The following PRKAA2 variants were observed in gnomAD, a reference collection of about 807,000 sequenced individuals.
PRKAA2 encodes the protein 5'-AMP-activated protein kinase catalytic subunit alpha-2.
A neutral mutation model predicts 56.3 loss-of-function variants in PRKAA2; 40 were observed. The ratio of observed to expected loss-of-function variants is 0.71; its 90% CI spans 0.55 to 0.92. The LOEUF is 0.92. Ranked by LOEUF, PRKAA2 falls within the 40% of genes least tolerant of loss-of-function variation. The pLI is 0.00. For missense variants in PRKAA2, 542 were observed against 686.9 expected (o/e 0.79, Z 2.36); for synonymous variants, 214 against 234.2 (o/e 0.91, Z 0.79).
rs1233043858 is a variant in PRKAA2 at position 56,706,229 on chromosome 1, T to G, written c.1420+11T>G. The G allele has an allele frequency of 1.2e-6, 2 of 1,611,400 alleles. No individual in the cohort carries two copies. The highest frequency in any genetic ancestry group is 4.5e-5 in the East Asian group (2 of 44,858). On this transcript the variant is annotated intron_variant, in intron 8 of 8. Transcript: ENST00000371244. ...TTAAAAGCATTGATGGTAAGGAAGC[T>G]ATGCATGCATGAGCTCTGAGAAGAT...
chr1:56,692,638 G>A, intron 4 of PRKAA2, 136 bp downstream of exon 4: 1 of 771,794 alleles, frequency 1.3e-6, no homozygotes, highest in East Asian at 3.3e-5. Context: ...CTCCTCAGTA[G>A]CTTTTTTTTT....
In PRKAA2 at chr1:56,704,173, C is replaced by A. The variant is rs763667032; in HGVS notation, c.991C>A (p.Arg331=). 1.9e-6 allele frequency: 3 copies of A among 1,614,082 alleles called. No individual in the cohort carries two copies. The highest frequency in any genetic ancestry group is 2.2e-5 in the South Asian group (2 of 91,082). ...GGCTTATCATCTTATCATTGACAAT[C>A]GGAGAATAATGAACCAAGCCAGTGA... The part of the protein sequence containing the change: ...AVAYHLIIDN[R]RIMNQASEFY... The change falls in exon 7 of 9, where the codon CGG becomes AGG. Residue 331 remains arginine (R), a synonymous_variant. Coordinates refer to ENST00000371244, the MANE Select transcript of PRKAA2 (RefSeq NM_006252.4).
rs76211899 is a variant in PRKAA2 at position 56,665,077 on chromosome 1, C to CT, written c.95-9288dup. Among the ~76,000 whole-genome samples, 639 of 138,898 alleles carry CT rather than the reference C, an allele frequency of 4.6e-3. 4 individuals are homozygous for CT. Among genetic ancestry groups the CT allele is most frequent in the Middle Eastern group, 0.012 (3 of 260 alleles). The allele number at this position is 138,898 out of a possible 152,430, so 91.1% of individuals were successfully genotyped here. On this transcript the variant is annotated intron_variant, in intron 1 of 8. Transcript: ENST00000371244. ...GATATCCGCTCTAGCTAGTTCCTAT[C>CT]TTTTTTTTTTTTTTTTGAGACAGCG... is the stretch of plus-strand genomic sequence containing the variant.
chr1:56,692,526 G>T, intron 4 of PRKAA2, 24 bp downstream of exon 4: 1 of 1,609,184 alleles, frequency 6.2e-7, no homozygotes, highest in Non-Finnish European at 8.5e-7. Context: ...GGGTTGTTCA[G>T]AAAGGTACTA....
At chr1:56,661,112 ACCAC>A (rs1643990309) in intron 1 of PRKAA2, among the ~76,000 whole-genome samples, 2 of 152,166 alleles carry the variant, frequency 1.3e-5, no homozygotes, top group African/African-American at 4.8e-5. Flanking sequence ...AAGGTTGCTG[ACCAC>A]CCCATGAGGC....
intron 2 of PRKAA2, among the ~76,000 whole-genome samples, chr1:56,679,073 G>T (rs1644135207): frequency 6.6e-6 from 1 of 152,042 alleles, no homozygotes; most frequent in South Asian, 2.1e-4. Context: ...TTGAAATGTT[G>T]TCTCTAGGTT....
At chr1:56,665,020 G>T (rs767296533) in intron 1 of PRKAA2, among the ~76,000 whole-genome samples, 4 of 151,126 alleles carry the variant, frequency 2.6e-5, no homozygotes, top group Non-Finnish European at 5.9e-5. Flanking sequence ...TTATCTTTTA[G>T]GCCCCAGAAT....
chr1:56,669,506 C>T (rs1211020299), intron 1 of PRKAA2, among the ~76,000 whole-genome samples: 1 of 151,790 alleles, frequency 6.6e-6, no homozygotes, highest in Non-Finnish European at 1.5e-5. Context: ...TAAACCCAGC[C>T]CTGCCTACTG....
At chr1:56,645,848 C>T (rs1646636152) in intron 1 of PRKAA2, among the ~76,000 whole-genome samples, 1 of 152,182 alleles carries the variant, frequency 6.6e-6, no homozygotes, top group South Asian at 2.1e-4. Context: ...CGCCTTCCAG[C>T]TCTGAGCCTG....
At chr1:56,679,129 A>G (rs1644135542) in intron 2 of PRKAA2, among the ~76,000 whole-genome samples, 1 of 151,832 alleles carries the variant, frequency 6.6e-6, no homozygotes, top group Admixed American at 6.6e-5. Flanking sequence ...ATTCTTGTTT[A>G]TTCTGAAAAC....
chr1:56,657,376 G>A (rs910058795), intron 1 of PRKAA2, among the ~76,000 whole-genome samples: 2 of 152,144 alleles, frequency 1.3e-5, no homozygotes, highest in Non-Finnish European at 2.9e-5. Context: ...CAGCAAAAAT[G>A]TTCTTCAAAA....
intron 6 of PRKAA2, among the ~76,000 whole-genome samples, chr1:56,703,414 G>A (rs1644309330): frequency 6.6e-6 from 1 of 152,046 alleles, no homozygotes; most frequent in African/African-American, 2.4e-5. Context: ...ATCAAAGACA[G>A]CTAGGTTCTC....
chr1:56,659,511 G>GA (rs113217524), intron 1 of PRKAA2, among the ~76,000 whole-genome samples: 18 of 147,642 alleles, frequency 1.2e-4, no homozygotes, highest in African/African-American at 3.5e-4. Context: ...AAAAAAAAAG[G>GA]AAAAAAAAAG....
At chr1:56,654,648 A>T (rs910867216) in intron 1 of PRKAA2, among the ~76,000 whole-genome samples, 1 of 152,202 alleles carries the variant, frequency 6.6e-6, no homozygotes, top group African/African-American at 2.4e-5. Context: ...AATGCGTATG[A>T]AAAGCAATGT....
chr1:56,666,932 C>G (rs1644040548), intron 1 of PRKAA2, among the ~76,000 whole-genome samples: 1 of 152,108 alleles, frequency 6.6e-6, no homozygotes, highest in African/African-American at 2.4e-5. Context: ...CTATATGGTA[C>G]CATAATTTGT....
intron 2 of PRKAA2, among the ~76,000 whole-genome samples, chr1:56,676,971 G>T (rs538484529): frequency 1.3e-5 from 2 of 152,170 alleles, no homozygotes; most frequent in Non-Finnish European, 2.9e-5. Context: ...TGAGGTCCCT[G>T]AAATTGCATG....
intron 1 of PRKAA2, among the ~76,000 whole-genome samples, chr1:56,667,570 AAAG>A (rs1644045171): frequency 6.6e-6 from 1 of 152,088 alleles, no homozygotes; most frequent in Non-Finnish European, 1.5e-5. Context: ...AGGCTTTAGA[AAAG>A]GATAGATCTG....
Position 56,695,892 on chromosome 1 carries a change from T to G in PRKAA2, c.564-43T>G, listed in dbSNP as rs143360579. The G allele has an allele frequency of 6.1e-5, 94 of 1,538,960 alleles. No homozygotes were observed. In the African/African-American group the frequency reaches 1.1e-3, roughly 18 times the overall value. Reference sequence around the variant, plus strand: ...AGAAGTAGGGTACATAGAGAAAAAGTGATTCTTGCATTTCAGGTTTGTGTT... The same window carrying G: ...AGAAGTAGGGTACATAGAGAAAAAGGGATTCTTGCATTTCAGGTTTGTGTT... On this transcript the variant is annotated intron_variant, in intron 5 of 8. Coordinates refer to ENST00000371244, the MANE Select transcript of PRKAA2 (RefSeq NM_006252.4).
At chr1:56,647,717 G>GTT (rs35387564) in intron 1 of PRKAA2, among the ~76,000 whole-genome samples, 36 of 147,658 alleles carry the variant, frequency 2.4e-4, no homozygotes, top group Admixed American at 1.4e-3. Flanking sequence ...AAAAAGTCAT[G>GTT]TTTTTTTTTT....
Sources: gnomAD v4.1 joint callset for allele counts (sites outside exome capture counted in the v4.1 genomes callset) on GRCh38, gnomAD v4.1.1 for gene constraint, MANE v1.5 for transcripts, NCBI Gene and HGNC (gene_info 2026-07-23, HGNC 2026-07-21) for gene names.